CAMSAP2: variants seen among roughly 807,000 people sequenced by gnomAD.
The protein encoded by CAMSAP2 is calmodulin regulated spectrin associated protein family member 2, also known as calmodulin-regulated spectrin-associated protein 2.
A neutral mutation model predicts 146.1 loss-of-function variants in CAMSAP2; 26 were observed. The observed-to-expected ratio is 0.18, with a 90% confidence interval of 0.13 to 0.25. The LOEUF (loss-of-function observed/expected upper bound fraction) is 0.25, where lower values mean the gene tolerates loss of function less well. Ranked by LOEUF, CAMSAP2 falls within the 10% of genes least tolerant of loss-of-function variation. The pLI is 1.00. For synonymous variants in CAMSAP2, 499 were observed against 596.6 expected (o/e 0.84, Z 2.38); for missense variants, 1,381 against 1,759.3 (o/e 0.78, Z 3.85).
rs1259210472 is a variant in CAMSAP2 at position 200,832,808 on chromosome 1, C to T, written c.890C>T (p.Thr297Ile). The change falls in exon 6 of 17, where the codon ACT becomes ATT. Residue 297 changes from threonine to isoleucine, a missense_variant. By Grantham distance (89) the Thr-to-Ile change is moderately conservative. Around this residue, in one of 4 missense-constraint regions of CAMSAP2, gnomAD observed 284 missense variants for 406.9 expected, o/e 0.70. Transcript: ENST00000358823. The surrounding 1 kb of genome is among the most constrained non-coding windows in gnomAD (Gnocchi z 4.2). The stretch of plus-strand genomic sequence containing the variant: ...TACTTGAACCAGTGTTGCCATTTCA[C>T]TCTGGAAGATATGCTCTATGCTGCT... ...QEYLNQCCHF[T>I]LEDMLYAASS... 6.2e-7 allele frequency: 1 copy of T among 1,611,262 alleles called. No homozygotes were observed. Among genetic ancestry groups the T allele is most frequent in the African/African-American group, 1.3e-5 (1 of 74,898 alleles).
rs535477405 is a variant in CAMSAP2 at position 200,857,282 on chromosome 1, A to G, written c.4013-24A>G. On this transcript the variant is annotated intron_variant, in intron 15 of 16. Coordinates refer to ENST00000358823, the MANE Select transcript of CAMSAP2 (RefSeq NM_203459.4). This position sits in a 1 kb window ranked among gnomAD's most constrained non-coding sequence, Gnocchi z 4.7. ...CTGACTTAGGAATGTTATTTTTATTATTGTTGTTAAATCCCTACCATAGGA... is the reference window on the plus strand; with the variant it reads ...CTGACTTAGGAATGTTATTTTTATTGTTGTTGTTAAATCCCTACCATAGGA... The G allele has an allele frequency of 5.2e-5, 71 of 1,363,368 alleles. 4 individuals carry two copies. The South Asian group carries it at 7.1e-4, about 14-fold the overall frequency. 84.5% of individuals were successfully genotyped at this position (1,363,368 alleles called of 1,614,324 possible).
At position 200,853,005 on chromosome 1, in the gene CAMSAP2, AC is replaced by A. The variant is rs1667662292; in HGVS notation, c.3603-269del. Among the ~76,000 whole-genome samples the A allele has an allele frequency of 2.2e-4, 11 of 50,948 alleles. No homozygotes were observed. The South Asian group carries it at 5.1e-3, about 24-fold the overall frequency. The allele number at this position is 50,948 out of a possible 152,430, so 33.4% of individuals were successfully genotyped here. A position where few individuals can be genotyped will look rare whatever the true frequency, so the allele number is the denominator to read the frequency against. ...AAAATAACTTTCCTGGGAGATACAC[AC>A]ACACACACACACACACACACACACG... is the stretch of plus-strand genomic sequence containing the variant. On this transcript the variant is annotated intron_variant, in intron 12 of 16. Transcript: ENST00000358823. The surrounding 1 kb of genome is among the most constrained non-coding windows in gnomAD (Gnocchi z 5.1).
chr1:200,779,314 A>G (rs527951903), intron 2 of CAMSAP2, among the ~76,000 whole-genome samples: 33 of 152,318 alleles, frequency 2.2e-4, no homozygotes, highest in African/African-American at 7.7e-4. Context: ...AGAAAAGACT[A>G]TGTAACCTAG....
intron 2 of CAMSAP2, among the ~76,000 whole-genome samples, chr1:200,784,025 GTTCA>G (rs1665516197): frequency 1.3e-5 from 2 of 149,876 alleles, no homozygotes; most frequent in Admixed American, 1.4e-4. Context: ...TGTGGTCGAG[GTTCA>G]TTTTACCCTT....
chr1:200,796,297 T>C (rs914952931), intron 2 of CAMSAP2, among the ~76,000 whole-genome samples: 3 of 152,232 alleles, frequency 2.0e-5, no homozygotes, highest in African/African-American at 7.2e-5. Context: ...CATAGACATA[T>C]GGGCTTATTT....
chr1:200,758,680 A>G (rs1664714293), intron 1 of CAMSAP2, among the ~76,000 whole-genome samples: 2 of 152,314 alleles, frequency 1.3e-5, no homozygotes, highest in African/African-American at 2.4e-5. Context: ...TATTGTTTCA[A>G]ACTCAATATG....
chr1:200,850,676 G>A (rs945456298), intron 11 of CAMSAP2, among the ~76,000 whole-genome samples: 2 of 152,120 alleles, frequency 1.3e-5, no homozygotes, highest in Admixed American at 6.5e-5. Context: ...AAAATCATTA[G>A]TATAAAACAG....
At chr1:200,781,782 G>C (rs961787223) in intron 2 of CAMSAP2, among the ~76,000 whole-genome samples, 1 of 151,970 alleles carries the variant, frequency 6.6e-6, no homozygotes. Flanking sequence ...GGGCTCAAGC[G>C]ATCCTCCTGC....
intron 1 of CAMSAP2, among the ~76,000 whole-genome samples, chr1:200,752,077 G>A (rs1173901129): frequency 6.6e-6 from 1 of 152,084 alleles, no homozygotes; most frequent in Non-Finnish European, 1.5e-5. Context: ...GGAGGTCTGG[G>A]CTACAAATCC....
chr1:200,796,897 C>T (rs1458549422), intron 2 of CAMSAP2, among the ~76,000 whole-genome samples: 2 of 151,874 alleles, frequency 1.3e-5, no homozygotes, highest in East Asian at 3.9e-4. Context: ...GTTCAATTCC[C>T]ACCTATGAGT....
chr1:200,793,840 CCTG>C (rs1262772492), intron 2 of CAMSAP2, among the ~76,000 whole-genome samples: 3 of 152,120 alleles, frequency 2.0e-5, no homozygotes, highest in Non-Finnish European at 4.4e-5. Context: ...CTTATAACCA[CCTG>C]ATGACGTGTG....
At chr1:200,756,781 G>T (rs1389201087) in intron 1 of CAMSAP2, among the ~76,000 whole-genome samples, 1 of 152,138 alleles carries the variant, frequency 6.6e-6, no homozygotes, top group Non-Finnish European at 1.5e-5. Flanking sequence ...CTAGTGACTA[G>T]AATTTTTTTT....
chr1:200,776,311 G>A (rs1665276812), intron 2 of CAMSAP2, among the ~76,000 whole-genome samples: 1 of 152,194 alleles, frequency 6.6e-6, no homozygotes, highest in Non-Finnish European at 1.5e-5. Context: ...CATTAGCTCA[G>A]GTTAGGTTCC....
At chr1:200,791,303 C>CT (rs199627769) in intron 2 of CAMSAP2, among the ~76,000 whole-genome samples, 264 of 150,594 alleles carry the variant, frequency 1.8e-3, no homozygotes, top group African/African-American at 6.2e-3. Flanking sequence ...AGATTTCTTT[C>CT]TTTTTTTTTC....
intron 1 of CAMSAP2, among the ~76,000 whole-genome samples, chr1:200,744,346 G>A (rs115218072): frequency 0.01 from 1,561 of 152,202 alleles, 21 homozygotes; most frequent in African/African-American, 0.03. Flanking sequence ...GGGTGAGGTC[G>A]CCTGAGGTTT....
chr1:200,849,794 C>T lies in CAMSAP2; in HGVS notation c.3025C>T (p.Pro1009Ser). 2 of 1,614,120 alleles carry T rather than the reference C, an allele frequency of 1.2e-6. No individual in the cohort carries two copies. Among genetic ancestry groups the T allele is most frequent in the East Asian group, 2.2e-5 (1 of 44,874 alleles). Residue 1009 changes from proline (P) to serine (S), a missense_variant, in exon 11 of 17, where the codon CCA becomes TCA. This residue lies in a region of CAMSAP2 where 560 missense variants were observed against 715.9 expected (regional missense o/e 0.78). Coordinates refer to ENST00000358823, the MANE Select transcript of CAMSAP2 (RefSeq NM_203459.4). This position sits in a 1 kb window ranked among gnomAD's most constrained non-coding sequence, Gnocchi z 6.3. ...DSLPRLRRFS[P>S]SQVPIQTRSF... is the part of the protein sequence containing the mutation. ...CCTTCCTCGGTTAAGGAGGTTTTCA[C>T]CAAGTCAAGTTCCTATTCAAACTAG...
intron 1 of CAMSAP2, among the ~76,000 whole-genome samples, chr1:200,745,710 G>A (rs570750513): frequency 1.3e-3 from 204 of 152,318 alleles, no homozygotes; most frequent in African/African-American, 4.7e-3. Context: ...GGGGTCAAGT[G>A]ATCCGCCTGC....
At chr1:200,789,162 C>T (rs192247406) in intron 2 of CAMSAP2, among the ~76,000 whole-genome samples, 278 of 152,180 alleles carry the variant, frequency 1.8e-3, no homozygotes, top group Middle Eastern at 3.4e-3. Flanking sequence ...GACACCCTTC[C>T]GCAGTGCAAA....
At chr1:200,766,430 G>T (rs1347623267) in intron 2 of CAMSAP2, among the ~76,000 whole-genome samples, 1 of 152,084 alleles carries the variant, frequency 6.6e-6, no homozygotes, top group African/African-American at 2.4e-5. Context: ...GGTCTATCAG[G>T]TAGCTCTTTT....
Sources: gnomAD v4.1 joint callset for allele counts (sites outside exome capture counted in the v4.1 genomes callset) on GRCh38, gnomAD v4.1.1 for gene constraint, gnomAD v4.1.1 regional missense constraint, Gnocchi (gnomAD v3.1) non-coding constraint, MANE v1.5 for transcripts, NCBI Gene and HGNC (gene_info 2026-07-23, HGNC 2026-07-21) for gene names.